The following SV2C variants were observed in gnomAD, a reference collection of about 807,000 sequenced individuals.
SV2C encodes the protein synaptic vesicle glycoprotein 2C.
Under a neutral mutation model 79.7 loss-of-function variants are expected in SV2C, and 49 were observed. The observed-to-expected ratio is 0.61, with a 90% confidence interval of 0.49 to 0.78. SV2C has a LOEUF of 0.78. Among genes scored for constraint, SV2C ranks in the 30% least tolerant of loss-of-function variants. SV2C has a pLI of 0.00. For synonymous variants in SV2C, 334 were observed against 333.2 expected, an observed-to-expected ratio of 1.00 and a Z score of -0.03; for missense variants, 833 against 912.9, an observed-to-expected ratio of 0.91 and a Z score of 1.13.
intron 3 of SV2C, among the ~76,000 whole-genome samples, chr5:76,206,018 C>T (rs145632007): frequency 9.3e-4 from 142 of 152,264 alleles, no homozygotes; most frequent in Middle Eastern, 3.4e-3. Context: ...CTTTCATTTA[C>T]ATTTTTTTAA....
At chr5:76,008,531 C>G in the SV2C span, among the ~76,000 whole-genome samples, 1 of 152,140 alleles carries the variant, frequency 6.6e-6, no homozygotes, top group African/African-American at 2.4e-5. Context: ...TCTTCTTTTT[C>G]TATCACATTC....
At chr5:76,003,621 T>G in the SV2C span, among the ~76,000 whole-genome samples, 1 of 152,274 alleles carries the variant, frequency 6.6e-6, no homozygotes. Flanking sequence ...CAAAACACTT[T>G]AGGGCTTTAG....
chr5:76,280,329 A>G (rs551171058), intron 4 of SV2C, among the ~76,000 whole-genome samples: 2 of 152,236 alleles, frequency 1.3e-5, no homozygotes, highest in East Asian at 1.9e-4. Context: ...CTCAACAGCA[A>G]CAAGTAGGCT....
chr5:76,269,607 T>C (rs943961485), intron 4 of SV2C, among the ~76,000 whole-genome samples: 3 of 152,214 alleles, frequency 2.0e-5, no homozygotes, highest in African/African-American at 7.2e-5. Flanking sequence ...CGAGCCTGCC[T>C]ATCCTTTGCC....
the SV2C span, among the ~76,000 whole-genome samples, chr5:76,001,206 A>G: frequency 6.6e-6 from 1 of 152,190 alleles, no homozygotes; most frequent in African/African-American, 2.4e-5. Flanking sequence ...AAGAGTGCTT[A>G]GAGAGAGGAA....
chr5:76,091,036 T>C (rs113894683), intron 1 of SV2C, among the ~76,000 whole-genome samples: 111 of 152,338 alleles, frequency 7.3e-4, no homozygotes, highest in African/African-American at 2.5e-3. Flanking sequence ...ATTTCATTTT[T>C]GTGCTTCATA....
At chr5:76,212,565 G>A (rs1744797940) in intron 4 of SV2C, among the ~76,000 whole-genome samples, 1 of 151,398 alleles carries the variant, frequency 6.6e-6, no homozygotes, top group Admixed American at 6.6e-5. Context: ...CTCTCGCTGA[G>A]CTTGCTCTCT....
chr5:76,144,814 A>G (rs763725853), intron 2 of SV2C, among the ~76,000 whole-genome samples: 5 of 143,486 alleles, frequency 3.5e-5, no homozygotes, highest in Non-Finnish European at 7.6e-5. Flanking sequence ...GTACAGTCAG[A>G]TTGATAGGAG....
the SV2C span, among the ~76,000 whole-genome samples, chr5:75,907,813 T>C: frequency 3.9e-5 from 6 of 152,236 alleles, no homozygotes; most frequent in African/African-American, 1.2e-4. Context: ...AATACCTAAA[T>C]TGTTCTAATT....
At chr5:76,009,519 G>A in the SV2C span, among the ~76,000 whole-genome samples, 1 of 152,208 alleles carries the variant, frequency 6.6e-6, no homozygotes, top group African/African-American at 2.4e-5. Context: ...CCAGGTGCCT[G>A]TCAGTGGTGG....
chr5:76,292,809 G>C (rs1747609347), intron 8 of SV2C, among the ~76,000 whole-genome samples: 1 of 152,204 alleles, frequency 6.6e-6, no homozygotes, highest in South Asian at 2.1e-4. Flanking sequence ...GATTTTATTT[G>C]TTAATCGCTG....
the SV2C span, among the ~76,000 whole-genome samples, chr5:76,069,783 CCTCT>C: frequency 0.012 from 1,762 of 152,024 alleles, 39 homozygotes; most frequent in African/African-American, 0.04. Context: ...CAACCTCTCT[CCTCT>C]CTCTCTTTCT....
the SV2C span, among the ~76,000 whole-genome samples, chr5:75,997,373 C>CAAAA: frequency 6.6e-6 from 1 of 151,680 alleles, no homozygotes; most frequent in Non-Finnish European, 1.5e-5. Context: ...TTCTGCGCAG[C>CAAAA]AAAAAAACCT....
chr5:75,920,998 C>T, the SV2C span: 56 of 705,378 alleles, frequency 7.9e-5, no homozygotes, highest in African/African-American at 3.0e-4. Context: ...GCTCCCCGTG[C>T]GAGTCCTCGC....
chr5:75,957,665 A>G, the SV2C span, among the ~76,000 whole-genome samples: 3 of 152,082 alleles, frequency 2.0e-5, no homozygotes, highest in Non-Finnish European at 4.4e-5. Context: ...CATGTTAATT[A>G]AATCTAAGAA....
chr5:75,866,114 A>G, the SV2C span, among the ~76,000 whole-genome samples: 2 of 152,188 alleles, frequency 1.3e-5, no homozygotes, highest in African/African-American at 4.8e-5. Flanking sequence ...AGTGAAGGTG[A>G]GAATGGAAAG....
At chr5:75,960,792 T>A in the SV2C span, among the ~76,000 whole-genome samples, 1 of 151,984 alleles carries the variant, frequency 6.6e-6, no homozygotes, top group Non-Finnish European at 1.5e-5. Flanking sequence ...TTTATAAGTA[T>A]CTCATATCTG....
At chr5:76,153,065 G>T (rs1212257423) in intron 2 of SV2C, among the ~76,000 whole-genome samples, 1 of 152,172 alleles carries the variant, frequency 6.6e-6, no homozygotes, top group South Asian at 2.1e-4. Flanking sequence ...CCCAGGAAAG[G>T]CCAGGGTACT....
chr5:75,858,157 G>A, the SV2C span, among the ~76,000 whole-genome samples: 24 of 152,270 alleles, frequency 1.6e-4, no homozygotes, highest in East Asian at 2.5e-3. Context: ...TAACAGTGGC[G>A]GAAGTGGGCA....
Sources: gnomAD v4.1 joint callset for allele counts (sites outside exome capture counted in the v4.1 genomes callset) on GRCh38, gnomAD v4.1.1 for gene constraint, MANE v1.5 for transcripts, NCBI Gene and HGNC (gene_info 2026-07-23, HGNC 2026-07-21) for gene names.